The following COQ4 variants were observed in gnomAD, a reference collection of about 807,000 sequenced individuals.
COQ4 encodes the protein ubiquinone biosynthesis protein COQ4 homolog, mitochondrial.
Under a neutral mutation model 30.2 loss-of-function variants are expected in COQ4, and 36 were observed. The observed-to-expected ratio is 1.19, with a 90% CI of 0.91 to 1.57. The LOEUF is 1.57. Among genes scored for constraint, COQ4 ranks in the 40% most tolerant of loss-of-function variants. The probability of loss-of-function intolerance (pLI) is 0.00; values close to 1 mark genes in which losing one functional copy is unlikely to be tolerated. For missense variants in COQ4, 369 were observed against 371.9 expected (o/e 0.99, Z 0.07); for synonymous variants, 197 against 161.0 (o/e 1.22, Z -1.69).
intron 3 of COQ4, 130 bp downstream of exon 3, chr9:128,325,369 TG>T: frequency 1.5e-6 from 1 of 663,450 alleles, no homozygotes; most frequent in Non-Finnish European, 2.6e-6. Context: ...TTGCACAGGC[TG>T]GGCACTGCCC....
chr9:128,325,325 G>A (rs1219109950), intron 3 of COQ4, 86 bp downstream of exon 3: 41 of 958,276 alleles, frequency 4.3e-5, no homozygotes, highest in African/African-American at 1.3e-4. Context: ...GTTCTGTTCC[G>A]CTAGGGAGCT....
Position 128,333,621 on chromosome 9 carries a change from C to A in COQ4, c.774C>A (p.Pro258=). The A allele has an allele frequency of 1.3e-6, 2 of 1,583,872 alleles. No individual in the cohort carries two copies. The highest frequency in any genetic ancestry group is 1.2e-5 in the South Asian group (1 of 86,180). The change falls in exon 7 of 7, where the codon CCC becomes CCA. Residue 258 remains proline (P), a synonymous_variant. Coordinates refer to ENST00000300452, the MANE Select transcript of COQ4 (RefSeq NM_016035.5). ...LREELGITAP[P]MHVQGLA is the part of the protein sequence containing the mutation. ...AGGAGCTGGGCATTACAGCACCACC[C>A]ATGCACGTCCAGGGCTTGGCCTGAG... is the stretch of plus-strand genomic sequence containing the variant.
intron 4 of COQ4, chr9:128,331,324 C>T (rs1359202529): frequency 1.3e-5 from 2 of 151,726 alleles, no homozygotes; most frequent in Admixed American, 6.6e-5. Context: ...CATCAAGGTA[C>T]AGTTATTTTG....
Position 128,332,200 on chromosome 9 carries a change from G to T in COQ4, c.450G>T (p.Glu150Asp). ...TRAPTRFVDD[E>D]ELAYVIQRYR... ...CACCCACCCGCTTCGTGGATGATGA[G>T]GAGCTAGCGTATGTGATTCAGCGGT... is the stretch of plus-strand genomic sequence containing the variant. The change falls in exon 5 of 7, where the codon GAG becomes GAT. Residue 150 changes from glutamate to aspartate, a missense_variant. Glu to Asp is a conservative substitution (Grantham distance 45, BLOSUM62 2). Coordinates refer to ENST00000300452, the MANE Select transcript of COQ4 (RefSeq NM_016035.5). 6.2e-7 allele frequency: 1 copy of T among 1,607,938 alleles called. No homozygotes were observed.
intron 3 of COQ4, 130 bp downstream of exon 3, chr9:128,325,369 T>G: frequency 3.0e-6 from 2 of 663,450 alleles, no homozygotes; most frequent in Non-Finnish European, 5.2e-6. Flanking sequence ...TTGCACAGGC[T>G]GGGCACTGCC....
chr9:128,331,897 T>G, intron 4 of COQ4: 1 of 311,600 alleles, frequency 3.2e-6, no homozygotes, highest in Admixed American at 4.5e-5. Flanking sequence ...CCGGCTAATT[T>G]TTGTATTTTT....
Position 128,322,849 on chromosome 9 carries a change from G to A in COQ4, c.-10G>A. On this transcript the variant is annotated 5_prime_UTR_variant, in exon 1 of 7. Coordinates refer to ENST00000300452, the MANE Select transcript of COQ4 (RefSeq NM_016035.5). ...TCGTACCCGCCCATCCTCCGCGGAC[G>A]CCCGCTGCCATGGCGACTCTGCTGC... 6.5e-7 allele frequency: 1 copy of A among 1,543,676 alleles called. No individual in the cohort carries two copies. The highest frequency in any genetic ancestry group is 8.7e-7 in the Non-Finnish European group (1 of 1,147,870).
At position 128,332,230 on chromosome 9, in the gene COQ4, G is replaced by C. The variant is rs1230500253; in HGVS notation, c.480G>C (p.Arg160=). 2.5e-6 allele frequency: 4 copies of C among 1,613,188 alleles called. No homozygotes were observed. The highest frequency in any genetic ancestry group is 3.4e-6 in the Non-Finnish European group (4 of 1,179,806). The change falls in exon 5 of 7, where the codon CGG becomes CGC. Residue 160 remains arginine, a synonymous_variant. Coordinates refer to ENST00000300452, the MANE Select transcript of COQ4 (RefSeq NM_016035.5). ...EELAYVIQRY[R]EVHDMLHTLL... ...TAGCGTATGTGATTCAGCGGTACCG[G>C]GAGGTGCACGACATGCTTCACACCC...
At chr9:128,329,310 C>T (rs1050877685) in intron 4 of COQ4, among the ~76,000 whole-genome samples, 4 of 152,182 alleles carry the variant, frequency 2.6e-5, no homozygotes, top group Admixed American at 6.6e-5. Context: ...AATGCTGACT[C>T]GGCCACTTTA....
Position 128,325,782 on chromosome 9 carries a change from G to A in COQ4, c.303G>A (p.Glu101=), listed in dbSNP as rs768504691. Residue 101 remains glutamate (E), a synonymous_variant, in exon 4 of 7, where the codon GAG becomes GAA. Coordinates refer to ENST00000300452, the MANE Select transcript of COQ4 (RefSeq NM_016035.5). ...ATGCCCAAGTCTTGCCTTTCAGGGAGCGTCCCCGGATTTCGACATCCACCC... is the reference window on the plus strand; with the variant it reads ...ATGCCCAAGTCTTGCCTTTCAGGGAACGTCCCCGGATTTCGACATCCACCC... ...RDPEGAQILQ[E]RPRISTSTLD... 2 of 1,613,862 alleles carry A rather than the reference G, an allele frequency of 1.2e-6. No homozygotes were observed. Among genetic ancestry groups the A allele is most frequent in the South Asian group, 1.1e-5 (1 of 91,078 alleles).
Position 128,332,262 on chromosome 9 carries a change from G to A in COQ4, c.512G>A (p.Gly171Glu), listed in dbSNP as rs1456991099. ...CACGACATGCTTCACACCCTGCTGG[G>A]GATGCCCACCAACATCCTGGGTGAG... Reference protein sequence around the residue: ...EVHDMLHTLLGMPTNILGEIV... With the variant: ...EVHDMLHTLLEMPTNILGEIV... Residue 171 changes from glycine to glutamate, a missense_variant, in exon 5 of 7, where the codon GGG (glycine) becomes GAG (glutamate). Coordinates refer to ENST00000300452, the MANE Select transcript of COQ4 (RefSeq NM_016035.5). 3.1e-6 allele frequency: 5 copies of A among 1,612,926 alleles called. No individual in the cohort carries two copies. Among genetic ancestry groups the A allele is most frequent in the Non-Finnish European group, 4.2e-6 (5 of 1,179,882 alleles).
At position 128,322,839 on chromosome 9, in the gene COQ4, C is replaced by G. The variant is rs372363685; in HGVS notation, c.-20C>G. The G allele has an allele frequency of 7.8e-4, 1,196 of 1,534,228 alleles. 9 individuals carry two copies. In the African/African-American group the frequency reaches 0.015, roughly 20 times the overall value. On this transcript the variant is annotated 5_prime_UTR_variant, in exon 1 of 7. Transcript: ENST00000300452. ...GCGGCGTTCTTCGTACCCGCCCATC[C>G]TCCGCGGACGCCCGCTGCCATGGCG...
At chr9:128,332,742 C>T in intron 5 of COQ4, 108 bp from the exon 6 acceptor site, 2 of 884,224 alleles carry the variant, frequency 2.3e-6, no homozygotes, top group Non-Finnish European at 1.9e-6. Context: ...GCACAGCTGA[C>T]CCCGTAGAGA....
rs1429747473 is a variant in COQ4, at chr9:128,325,654, C to A, written c.300-125C>A. 1.8e-5 allele frequency: 13 copies of A among 719,244 alleles called. No individual in the cohort carries two copies. The Admixed American group carries it at 2.9e-4, about 16-fold the overall frequency. The allele number at this position is 719,244 out of a possible 1,614,324, so 44.6% of individuals were successfully genotyped here. A position where few individuals can be genotyped will look rare whatever the true frequency, so the allele number is the denominator to read the frequency against. On this transcript the variant is annotated intron_variant, in intron 3 of 6. Transcript: ENST00000300452. ...ACACTAGCCTGGCCAGTTGTAGGTG[C>A]TCCATTAAGGCTTGTGGTGGCCACA... is the stretch of plus-strand genomic sequence containing the variant.
At position 128,322,845 on chromosome 9, in the gene COQ4, G is replaced by T; in HGVS notation, c.-14G>T. ...TTCTTCGTACCCGCCCATCCTCCGC[G>T]GACGCCCGCTGCCATGGCGACTCTG... On this transcript the variant is annotated 5_prime_UTR_variant, in exon 1 of 7. Coordinates refer to ENST00000300452, the MANE Select transcript of COQ4 (RefSeq NM_016035.5). 1 of 1,540,090 alleles carries T rather than the reference G, an allele frequency of 6.5e-7. No homozygotes were observed.
At chr9:128,333,057 C>A in intron 6 of COQ4, 114 bp downstream of exon 6, 1 of 769,162 alleles carries the variant, frequency 1.3e-6, no homozygotes, top group East Asian at 2.6e-5. Flanking sequence ...ACAGCCCGTT[C>A]CAGTTCTCCA....
At chr9:128,327,851 T>C (rs897370071) in intron 4 of COQ4, among the ~76,000 whole-genome samples, 1 of 152,186 alleles carries the variant, frequency 6.6e-6, no homozygotes, top group Admixed American at 6.5e-5. Flanking sequence ...TGGGATACAG[T>C]GGACAAAACC....
chr9:128,330,768 A>G (rs565126329), intron 4 of COQ4: 1 of 151,774 alleles, frequency 6.6e-6, no homozygotes, highest in African/African-American at 2.4e-5. Context: ...CCTGGCTAGA[A>G]TTGATTTTAA....
chr9:128,325,930 G>A, intron 4 of COQ4, 49 bp downstream of exon 4: 1 of 1,486,170 alleles, frequency 6.7e-7, no homozygotes, highest in Non-Finnish European at 9.4e-7. Flanking sequence ...CAGGACAGAG[G>A]AATAGCACAG....
Sources: allele counts gnomAD v4.1 joint callset (sites outside exome capture counted in the v4.1 genomes callset), GRCh38; gene constraint gnomAD v4.1.1; transcripts MANE v1.5; gene names NCBI Gene and HGNC (gene_info 2026-07-23, HGNC 2026-07-21).